RPH3A: variants seen among roughly 807,000 people sequenced by gnomAD.
RPH3A encodes rabphilin 3A, also known as rabphilin-3A.
RPH3A carries 48 observed loss-of-function variants against 102.2 expected under a neutral mutation model. The ratio of observed to expected loss-of-function variants is 0.47; its 90% CI spans 0.37 to 0.60. The LOEUF is 0.60. RPH3A is among the 20% of genes least tolerant of loss of function. The pLI, the probability that RPH3A is intolerant of heterozygous loss-of-function variation, is 0.00. For synonymous variants in RPH3A, 310 were observed against 324.3 expected, an observed-to-expected ratio of 0.96 and a Z score of 0.47; for missense variants, 781 against 910.1, an observed-to-expected ratio of 0.86 and a Z score of 1.83.
rs112468124 is a variant in RPH3A at position 112,610,257 on chromosome 12, C to G, written c.-140+34938C>G. 6.6e-3 allele frequency among the ~76,000 whole-genome samples: 1,008 copies of G among 152,244 alleles called. 18 individuals are homozygous for G. The highest frequency in any genetic ancestry group is 0.023 in the African/African-American group (955 of 41,558). Reference sequence around the variant, plus strand: ...GTGGCTCATGCCTATAATCCCAGCACTTTGGGAGGCCAAGCGAGGCAGATC... The same window carrying G: ...GTGGCTCATGCCTATAATCCCAGCAGTTTGGGAGGCCAAGCGAGGCAGATC... On this transcript the variant is annotated intron_variant, in intron 1 of 21. Transcript: ENST00000543106.
chr12:112,739,426 G>C (rs1482088035), intron 1 of RPH3A, among the ~76,000 whole-genome samples: 2 of 152,200 alleles, frequency 1.3e-5, no homozygotes, highest in East Asian at 3.9e-4. Context: ...CGTCACCTGA[G>C]CTGGGGTTGG....
chr12:112,601,483 G>GGGCTCT lies in RPH3A; in HGVS notation c.-140+26166_-140+26171dup, dbSNP rs529546056. On this transcript the variant is annotated intron_variant, in intron 1 of 21. Transcript: ENST00000543106. ...CATGCCACTGAAAGTGAGTGAGCCAGGGCTCTGTGAATCAGCGTGGGTGAA... is the reference window on the plus strand; with the variant it reads ...CATGCCACTGAAAGTGAGTGAGCCAGGGCTCTGGCTCTGTGAATCAGCGTGGGTGAA... 1.3e-3 allele frequency among the ~76,000 whole-genome samples: 195 copies of GGGCTCT among 152,280 alleles called. 3 individuals are homozygous for GGGCTCT. In the East Asian group the frequency reaches 0.018, roughly 14 times the overall value.
intron 14 of RPH3A, among the ~76,000 whole-genome samples, chr12:112,881,482 G>A (rs956617391): frequency 6.6e-6 from 1 of 152,180 alleles, no homozygotes; most frequent in Non-Finnish European, 1.5e-5. Flanking sequence ...CTCATGAAGC[G>A]GGTACTGTTC....
intron 11 of RPH3A, 73 bp from the exon 12 acceptor site, chr12:112,875,606 A>G: frequency 7.4e-7 from 1 of 1,350,474 alleles, no homozygotes; most frequent in South Asian, 1.2e-5. Context: ...TGTGAAATGA[A>G]AAGGAAAAGG....
chr12:112,663,695 G>A (rs1418483124), intron 1 of RPH3A, among the ~76,000 whole-genome samples: 2 of 152,084 alleles, frequency 1.3e-5, no homozygotes, highest in Non-Finnish European at 1.5e-5. Context: ...GCTAAAATGG[G>A]TTTGAATTGG....
chr12:112,760,442 A>C (rs925323981), intron 1 of RPH3A, among the ~76,000 whole-genome samples: 1 of 152,268 alleles, frequency 6.6e-6, no homozygotes. Context: ...TGTGTTCAGC[A>C]CTATGCTAGG....
chr12:112,743,259 C>T (rs565503180), intron 1 of RPH3A, among the ~76,000 whole-genome samples: 25 of 152,310 alleles, frequency 1.6e-4, no homozygotes, highest in Admixed American at 9.8e-4. Context: ...AGTATTCTGC[C>T]TACCGCAGCG....
intron 1 of RPH3A, among the ~76,000 whole-genome samples, chr12:112,653,264 A>G (rs1258264176): frequency 6.6e-6 from 1 of 151,538 alleles, no homozygotes; most frequent in Non-Finnish European, 1.5e-5. Context: ...CAGCTACTCA[A>G]GAGGCTGAGG....
chr12:112,851,191 G>A (rs2136194940), intron 5 of RPH3A, among the ~76,000 whole-genome samples: 1 of 152,302 alleles, frequency 6.6e-6, no homozygotes, highest in Non-Finnish European at 1.5e-5. Flanking sequence ...ACCTTGTCAA[G>A]TAAGCTATTA....
chr12:112,719,861 T>G (rs919748830), intron 1 of RPH3A, among the ~76,000 whole-genome samples: 5 of 152,262 alleles, frequency 3.3e-5, no homozygotes, highest in Admixed American at 2.0e-4. Context: ...ACTTTGTATA[T>G]GCTGCATCTC....
At chr12:112,675,089 C>T (rs1302396370) in intron 1 of RPH3A, among the ~76,000 whole-genome samples, 1 of 152,236 alleles carries the variant, frequency 6.6e-6, no homozygotes, top group Non-Finnish European at 1.5e-5. Flanking sequence ...TCTTTCATCT[C>T]TGTCAAAGCT....
intron 5 of RPH3A, among the ~76,000 whole-genome samples, chr12:112,851,527 C>G (rs1306082967): frequency 6.6e-6 from 1 of 152,168 alleles, no homozygotes; most frequent in Non-Finnish European, 1.5e-5. Context: ...TGCTGTGGTT[C>G]TGAGAGTTCC....
At chr12:112,706,756 T>G (rs1887822915) in intron 1 of RPH3A, among the ~76,000 whole-genome samples, 1 of 152,100 alleles carries the variant, frequency 6.6e-6, no homozygotes, top group South Asian at 2.1e-4. Context: ...AATAATAACT[T>G]TGAAATGCTC....
chr12:112,649,320 A>G (rs1456734947), intron 1 of RPH3A: 1 of 152,200 alleles, frequency 6.6e-6, no homozygotes, highest in Admixed American at 6.5e-5. Context: ...ATTTAAGAAA[A>G]CGCTCTATGC....
intron 1 of RPH3A, chr12:112,649,422 T>C (rs966847166): frequency 6.6e-6 from 1 of 152,128 alleles, no homozygotes; most frequent in African/African-American, 2.4e-5. Context: ...AGGTCATCAG[T>C]TGGGTCAAAG....
intron 1 of RPH3A, among the ~76,000 whole-genome samples, chr12:112,613,897 T>C (rs904368249): frequency 2.0e-5 from 3 of 152,074 alleles, no homozygotes; most frequent in Non-Finnish European, 2.9e-5. Flanking sequence ...TGAGTTATGA[T>C]TGCACCACTG....
At chr12:112,698,526 G>T (rs2040368465) in intron 1 of RPH3A, among the ~76,000 whole-genome samples, 1 of 151,642 alleles carries the variant, frequency 6.6e-6, no homozygotes, top group Admixed American at 6.6e-5. Flanking sequence ...TTCCCACTGA[G>T]ATGGCTTTTT....
At chr12:112,890,689 G>C (rs1593134660) in intron 18 of RPH3A, among the ~76,000 whole-genome samples, 160 bp from the exon 19 acceptor site, 1 of 152,204 alleles carries the variant, frequency 6.6e-6, no homozygotes. Context: ...TTCACCTTTG[G>C]CTCCTCTTTG....
At chr12:112,777,286 T>C (rs1028782924) in intron 1 of RPH3A, among the ~76,000 whole-genome samples, 1 of 152,226 alleles carries the variant, frequency 6.6e-6, no homozygotes, top group African/African-American at 2.4e-5. Context: ...TCAGTGTTAA[T>C]ATTATTATTA....
Sources: gnomAD v4.1 joint callset for allele counts (sites outside exome capture counted in the v4.1 genomes callset) on GRCh38, gnomAD v4.1.1 for gene constraint, MANE v1.5 for transcripts, NCBI Gene and HGNC (gene_info 2026-07-23, HGNC 2026-07-21) for gene names.